MYSM1: variants seen among roughly 807,000 people sequenced by gnomAD.
The protein encoded by MYSM1 is deubiquitinase MYSM1.
A neutral mutation model predicts 116.0 loss-of-function variants in MYSM1; 51 were observed. That is an observed-to-expected ratio of 0.44 (90% confidence interval 0.35 to 0.56). MYSM1 has a LOEUF of 0.56. Among genes scored for constraint, MYSM1 ranks in the 20% least tolerant of loss-of-function variants. The probability of loss-of-function intolerance (pLI) is 0.00; values close to 1 mark genes in which losing one functional copy is unlikely to be tolerated. For missense variants in MYSM1, 900 were observed against 974.9 expected, an observed-to-expected ratio of 0.92 and a Z score of 1.02; for synonymous variants, 313 against 315.2, an observed-to-expected ratio of 0.99 and a Z score of 0.07.
At chr1:58,676,372 C>T (rs188368498) in intron 9 of MYSM1, among the ~76,000 whole-genome samples, 22 of 140,366 alleles carry the variant, frequency 1.6e-4, no homozygotes, top group African/African-American at 5.9e-4. Flanking sequence ...GCAGAGATCA[C>T]ACCACTGCAC....
chr1:58,674,721 C>T (rs1217242822), intron 10 of MYSM1, among the ~76,000 whole-genome samples: 3 of 151,820 alleles, frequency 2.0e-5, no homozygotes, highest in Admixed American at 6.6e-5. Flanking sequence ...GTCAGGAGAT[C>T]GAGACCATCC....
At chr1:58,699,879 A>G (rs1645037166) in intron 1 of MYSM1, 106 bp downstream of exon 1, 2 of 1,541,438 alleles carry the variant, frequency 1.3e-6, no homozygotes, top group East Asian at 2.4e-5. Context: ...CCCAGGGGAC[A>G]GTCTTCTGTT....
chr1:58,666,735 G>A (rs937298172), intron 16 of MYSM1, among the ~76,000 whole-genome samples: 2 of 151,564 alleles, frequency 1.3e-5, no homozygotes, highest in Non-Finnish European at 2.9e-5. Flanking sequence ...TTAGCTAGGC[G>A]TGGTGGTGCA....
intron 1 of MYSM1, among the ~76,000 whole-genome samples, chr1:58,698,102 A>ATATATATATATATATTTT: frequency 2.6e-4 from 2 of 7,776 alleles, no homozygotes; most frequent in African/African-American, 5.1e-4. Flanking sequence ...ATATATATAT[A>ATATATATATATATATTTT]TTTTTTTTTT....
intron 1 of MYSM1, among the ~76,000 whole-genome samples, chr1:58,696,379 A>C (rs1644974568): frequency 6.6e-6 from 1 of 152,208 alleles, no homozygotes; most frequent in African/African-American, 2.4e-5. Context: ...TAGGTACCAC[A>C]TATTAGCATG....
chr1:58,674,139 C>T (rs1467708713), intron 10 of MYSM1, among the ~76,000 whole-genome samples: 1 of 152,070 alleles, frequency 6.6e-6, no homozygotes, highest in Non-Finnish European at 1.5e-5. Context: ...GAGTGATTCT[C>T]CTGCCTCAGA....
chr1:58,672,975 C>G (rs1644586555), intron 11 of MYSM1, among the ~76,000 whole-genome samples: 1 of 152,146 alleles, frequency 6.6e-6, no homozygotes, highest in Non-Finnish European at 1.5e-5. Flanking sequence ...GTACTTTGTG[C>G]ATGCAAGGCT....
intron 7 of MYSM1, among the ~76,000 whole-genome samples, chr1:58,684,579 A>AT (rs1644798626): frequency 6.6e-6 from 1 of 150,700 alleles, no homozygotes; most frequent in African/African-American, 2.4e-5. Flanking sequence ...AAAAAAAAAA[A>AT]GAAAAAAAAA....
At chr1:58,691,782 G>A (rs942989475) in intron 3 of MYSM1, among the ~76,000 whole-genome samples, 4 of 152,006 alleles carry the variant, frequency 2.6e-5, no homozygotes, top group African/African-American at 4.8e-5. Context: ...CAGGAGAATC[G>A]CTTGAACCAG....
chr1:58,656,613 G>T lies in MYSM1; in HGVS notation c.*3384C>A, dbSNP rs1008355979. ...TGTGAGTTTTCGTTAGGTTGGGAAG[G>T]AAGTAAGTTCAAGTCTATAGATCTA... On this transcript the variant is annotated 3_prime_UTR_variant, in exon 20 of 20. Coordinates refer to ENST00000472487, the MANE Select transcript of MYSM1 (RefSeq NM_001085487.3). 2.0e-5 allele frequency: 3 copies of T among 152,230 alleles called. No homozygotes were observed. Among genetic ancestry groups the T allele is most frequent in the African/African-American group, 4.8e-5 (2 of 41,466 alleles). 9.4% of individuals were successfully genotyped at this position (152,230 alleles called of 1,614,324 possible). A position where few individuals can be genotyped will look rare whatever the true frequency, so the allele number is the denominator to read the frequency against.
chr1:58,699,910 T>C, intron 1 of MYSM1, 75 bp downstream of exon 1: 1 of 1,602,704 alleles, frequency 6.2e-7, no homozygotes. Context: ...TTGCCGGACC[T>C]GCAGCTTTCC....
rs772963146 is a variant in MYSM1, at chr1:58,660,039, A to G, written c.2445T>C (p.Asn815=). The change falls in exon 20 of 20, where the codon AAT becomes AAC. Residue 815 remains asparagine, a synonymous_variant. Transcript: ENST00000472487. ...TTGTACAGTTCTCTTCGGTTACTCC[A>G]TTCTCTTGGTTGCTTTTATAATTGG... ...FLSNYKSNQE[N]GVTEENCTKE... is the part of the protein sequence containing the mutation. 4.4e-6 allele frequency: 7 copies of G among 1,608,352 alleles called. No homozygotes were observed. Among genetic ancestry groups the G allele is most frequent in the East Asian group, 2.2e-5 (1 of 44,730 alleles).
intron 8 of MYSM1, among the ~76,000 whole-genome samples, chr1:58,680,646 T>TAA (rs1376323566): frequency 6.6e-6 from 1 of 152,154 alleles, no homozygotes; most frequent in Non-Finnish European, 1.5e-5. Flanking sequence ...TTGGTAACCC[T>TAA]TCTAGGTTAC....
Position 58,682,154 on chromosome 1 carries a change from C to T in MYSM1, c.890G>A (p.Trp297Ter). The change falls in exon 8 of 20, where the codon TGG becomes TAG. Residue 297 changes from tryptophan (W) to a stop codon, truncating the protein, a stop_gained. Transcript: ENST00000472487. LOFTEE classifies it high-confidence loss of function. ...ETLSSSEITL[W>*]TEKQSNGDKK... is the part of the protein sequence containing the mutation. ...GTCACCATTGCTCTGTTTCTCAGTCCACAGTGTAATTTCTGAGCTTGAAAG... is the reference window on the plus strand; with the variant it reads ...GTCACCATTGCTCTGTTTCTCAGTCTACAGTGTAATTTCTGAGCTTGAAAG... The T allele has an allele frequency of 6.2e-7, 1 of 1,613,174 alleles. No homozygotes were observed. Among genetic ancestry groups the T allele is most frequent in the Non-Finnish European group, 8.5e-7 (1 of 1,179,360 alleles).
At chr1:58,669,556 G>C (rs573553781) in intron 12 of MYSM1, among the ~76,000 whole-genome samples, 1 of 152,300 alleles carries the variant, frequency 6.6e-6, no homozygotes, top group East Asian at 1.9e-4. Context: ...GCCAGGTGCA[G>C]TGGCTCACAT....
intron 1 of MYSM1, among the ~76,000 whole-genome samples, chr1:58,697,582 C>A (rs1267908120): frequency 8.0e-5 from 12 of 149,620 alleles, no homozygotes; most frequent in Non-Finnish European, 1.0e-4. Flanking sequence ...GAAGAGAAAC[C>A]AAAAAAAAAT....
intron 3 of MYSM1, among the ~76,000 whole-genome samples, chr1:58,690,831 G>C (rs1644894567): frequency 6.6e-6 from 1 of 152,172 alleles, no homozygotes; most frequent in South Asian, 2.1e-4. Context: ...GAATGTAATA[G>C]GTAAACTTGG....
At chr1:58,683,280 G>A (rs527676502) in intron 7 of MYSM1, among the ~76,000 whole-genome samples, 3 of 152,214 alleles carry the variant, frequency 2.0e-5, no homozygotes, top group African/African-American at 7.2e-5. Flanking sequence ...TATTTTTAAA[G>A]GCTTCTCAGA....
intron 7 of MYSM1, among the ~76,000 whole-genome samples, chr1:58,682,852 T>G (rs1644769609): frequency 6.6e-6 from 1 of 152,008 alleles, no homozygotes; most frequent in South Asian, 2.1e-4. Context: ...CCTGCCACCG[T>G]GCCCGGCTAA....
Sources: gnomAD v4.1 joint callset for allele counts (sites outside exome capture counted in the v4.1 genomes callset) on GRCh38, gnomAD v4.1.1 for gene constraint, MANE v1.5 for transcripts, NCBI Gene and HGNC (gene_info 2026-07-23, HGNC 2026-07-21) for gene names.